The following ACYP2 variants were observed in gnomAD, a reference collection of about 807,000 sequenced individuals.
The protein encoded by ACYP2 is acylphosphatase-2.
ACYP2 carries 12 observed loss-of-function variants against 11.2 expected under a neutral mutation model. The observed-to-expected ratio is 1.08, with a 90% CI of 0.69 to 1.74. ACYP2 has a LOEUF of 1.74. ACYP2 is among the 40% of genes most tolerant of loss of function. ACYP2 has a pLI of 0.00. For synonymous variants in ACYP2, 43 were observed against 32.2 expected, an observed-to-expected ratio of 1.33 and a Z score of -1.13; for missense variants, 134 against 101.9, an observed-to-expected ratio of 1.31 and a Z score of -1.35.
chr2:54,266,844 C>T (rs902249580), intron 6 of ACYP2, among the ~76,000 whole-genome samples: 4 of 151,770 alleles, frequency 2.6e-5, no homozygotes, highest in African/African-American at 9.7e-5. Context: ...CTCCTGACCT[C>T]GTGATCCGCC....
At chr2:54,014,533 C>A (rs1410128184) in intron 2 of ACYP2, among the ~76,000 whole-genome samples, 1 of 152,028 alleles carries the variant, frequency 6.6e-6, no homozygotes, top group Non-Finnish European at 1.5e-5. Context: ...GTTGGCCAGG[C>A]TGGTCTCAAA....
At chr2:54,024,393 A>G (rs1303593150) in intron 2 of ACYP2, among the ~76,000 whole-genome samples, 2 of 152,170 alleles carry the variant, frequency 1.3e-5, no homozygotes, top group African/African-American at 2.4e-5. Flanking sequence ...ATCCACCATG[A>G]TCAAGTGGGT....
At chr2:54,003,444 T>G (rs1014426638) in intron 2 of ACYP2, among the ~76,000 whole-genome samples, 2 of 151,686 alleles carry the variant, frequency 1.3e-5, no homozygotes, top group Non-Finnish European at 2.9e-5. Context: ...ATTTTTAGTA[T>G]AGATGGGGTT....
intron 4 of ACYP2, among the ~76,000 whole-genome samples, chr2:54,096,248 G>A (rs1678567140): frequency 6.8e-6 from 1 of 147,134 alleles, no homozygotes; most frequent in Non-Finnish European, 1.5e-5. Context: ...CGGCGGAGCA[G>A]AGGCGCTCCC....
chr2:54,200,303 A>G (rs192761008), intron 6 of ACYP2, among the ~76,000 whole-genome samples: 96 of 152,256 alleles, frequency 6.3e-4, no homozygotes, highest in Non-Finnish European at 1.3e-3. Context: ...ATATCTATAT[A>G]TATGCACATA....
At chr2:54,132,949 G>T (rs974390809) in intron 4 of ACYP2, among the ~76,000 whole-genome samples, 9 of 151,966 alleles carry the variant, frequency 5.9e-5, no homozygotes, top group African/African-American at 2.2e-4. Flanking sequence ...TCACCATATT[G>T]GTCAGGCTGG....
intron 4 of ACYP2, among the ~76,000 whole-genome samples, chr2:54,100,609 G>A (rs1282767338): frequency 2.6e-5 from 4 of 151,742 alleles, no homozygotes; most frequent in Non-Finnish European, 5.9e-5. Flanking sequence ...ACACCCACCC[G>A]AGATCCTCCT....
intron 4 of ACYP2, among the ~76,000 whole-genome samples, chr2:54,087,493 C>G (rs1347684527): frequency 6.6e-6 from 1 of 152,122 alleles, no homozygotes; most frequent in Non-Finnish European, 1.5e-5. Flanking sequence ...GGATTATAGA[C>G]ATGTGCCACC....
intron 2 of ACYP2, among the ~76,000 whole-genome samples, chr2:53,992,893 G>A (rs1387276612): frequency 6.6e-6 from 1 of 150,694 alleles, no homozygotes; most frequent in Non-Finnish European, 1.5e-5. Context: ...AACTTAAAGA[G>A]AATACGCATC....
intron 4 of ACYP2, among the ~76,000 whole-genome samples, chr2:54,070,950 T>G (rs1394110285): frequency 1.3e-5 from 2 of 152,028 alleles, no homozygotes; most frequent in African/African-American, 2.4e-5. Flanking sequence ...CAGAGTTTCA[T>G]CATGTTGCCC....
chr2:54,049,215 C>T (rs747020037), intron 2 of ACYP2, among the ~76,000 whole-genome samples: 14 of 152,010 alleles, frequency 9.2e-5, no homozygotes, highest in Non-Finnish European at 1.8e-4. Context: ...GAGCCAAGAT[C>T]GCGTCACTGC....
intron 2 of ACYP2, among the ~76,000 whole-genome samples, chr2:54,037,230 G>C (rs545059521): frequency 6.6e-6 from 1 of 150,812 alleles, no homozygotes; most frequent in Non-Finnish European, 1.5e-5. Context: ...CTCTGGCCTC[G>C]GCCTCCCAAA....
chr2:54,262,054 G>T (rs1409145743), intron 6 of ACYP2, among the ~76,000 whole-genome samples: 3 of 152,192 alleles, frequency 2.0e-5, no homozygotes, highest in Non-Finnish European at 4.4e-5. Flanking sequence ...TTCTACTAAT[G>T]TAGCACTCAT....
intron 6 of ACYP2, among the ~76,000 whole-genome samples, chr2:54,265,240 A>G (rs1440486154): frequency 2.0e-5 from 3 of 152,178 alleles, no homozygotes; most frequent in African/African-American, 4.8e-5. Flanking sequence ...GAGGCCTCAC[A>G]ATCTTGGTGG....
chr2:54,052,689 A>G lies in ACYP2; in HGVS notation c.155+1639A>G, dbSNP rs542524230. Among the ~76,000 whole-genome samples, 363 of 152,364 alleles carry G rather than the reference A, an allele frequency of 2.4e-3. 1 individual carries two copies. Among genetic ancestry groups the G allele is most frequent in the African/African-American group, 8.5e-3 (354 of 41,588 alleles). The stretch of plus-strand genomic sequence containing the variant: ...GCTGTGCAATACTCTATCTGCCACC[A>G]GAGGACTTCACTTACATCTGTGCCA... On this transcript the variant is annotated intron_variant, in intron 3 of 6. Coordinates refer to ENST00000607452, the MANE Select transcript of ACYP2 (RefSeq NM_001320586.2).
At chr2:54,020,769 A>G (rs1336106403) in intron 2 of ACYP2, among the ~76,000 whole-genome samples, 1 of 152,126 alleles carries the variant, frequency 6.6e-6, no homozygotes, top group African/African-American at 2.4e-5. Context: ...TGGAGCTCTT[A>G]TTTTGTTTCT....
chr2:54,056,305 G>T (rs1011955179), intron 3 of ACYP2, among the ~76,000 whole-genome samples: 28 of 152,194 alleles, frequency 1.8e-4, no homozygotes, highest in African/African-American at 6.5e-4. Flanking sequence ...GACATGGGCA[G>T]TTTCTGACAT....
At chr2:54,250,065 T>C (rs1687145471) in intron 6 of ACYP2, among the ~76,000 whole-genome samples, 1 of 152,274 alleles carries the variant, frequency 6.6e-6, no homozygotes, top group Admixed American at 6.5e-5. Context: ...CAGTGCACTT[T>C]CTATTTTATG....
At chr2:54,014,557 G>C (rs1220482239) in intron 2 of ACYP2, among the ~76,000 whole-genome samples, 4 of 152,096 alleles carry the variant, frequency 2.6e-5, no homozygotes, top group Non-Finnish European at 4.4e-5. Context: ...CTGACCTTAA[G>C]TGATCCGCCC....
Sources: allele counts gnomAD v4.1 joint callset (sites outside exome capture counted in the v4.1 genomes callset), GRCh38; gene constraint gnomAD v4.1.1; transcripts MANE v1.5; gene names NCBI Gene and HGNC (gene_info 2026-07-23, HGNC 2026-07-21).